CSNK2A2IP: variants seen among roughly 807,000 people sequenced by gnomAD.
The protein encoded by CSNK2A2IP is casein kinase II subunit alpha'-interacting protein.
chr3:88,457,999 A>G, the CSNK2A2IP span, among the ~76,000 whole-genome samples: 1 of 151,930 alleles, frequency 6.6e-6, no homozygotes, highest in Non-Finnish European at 1.5e-5. Flanking sequence ...TGTGTCTTTC[A>G]AGAAATATCT....
the CSNK2A2IP span, among the ~76,000 whole-genome samples, chr3:88,445,944 TTCTCTCTCTC>T: frequency 7.3e-6 from 1 of 136,718 alleles, no homozygotes; most frequent in Non-Finnish European, 1.6e-5. Context: ...CTTTCTTTCT[TTCTCTCTCTC>T]TCTCTCCCTC....
At chr3:88,414,627 G>A in the CSNK2A2IP span, among the ~76,000 whole-genome samples, 1 of 151,810 alleles carries the variant, frequency 6.6e-6, no homozygotes, top group Admixed American at 6.6e-5. Context: ...GAACATTATA[G>A]ATTCCAGGAT....
the CSNK2A2IP span, among the ~76,000 whole-genome samples, chr3:88,445,300 A>AAAAAAAC: frequency 6.7e-6 from 1 of 148,774 alleles, no homozygotes; most frequent in African/African-American, 2.5e-5. Context: ...AAAAAAAAAA[A>AAAAAAAC]TTAGCCAGGC....
chr3:88,360,982 ACT>A, the CSNK2A2IP span, among the ~76,000 whole-genome samples: 1 of 151,282 alleles, frequency 6.6e-6, no homozygotes, highest in African/African-American at 2.4e-5. Flanking sequence ...GAAAACTAAG[ACT>A]CTCTACAGTT....
At chr3:88,379,980 GTTATA>G in the CSNK2A2IP span, among the ~76,000 whole-genome samples, 1 of 151,908 alleles carries the variant, frequency 6.6e-6, no homozygotes, top group African/African-American at 2.4e-5. Flanking sequence ...TATATTAAAC[GTTATA>G]TTATATTTGT....
the CSNK2A2IP span, among the ~76,000 whole-genome samples, chr3:88,367,302 A>G: frequency 6.6e-6 from 1 of 152,124 alleles, no homozygotes; most frequent in Non-Finnish European, 1.5e-5. Flanking sequence ...AGTCATTCTC[A>G]GAGCAATCCT....
At chr3:88,373,018 A>G in the CSNK2A2IP span, among the ~76,000 whole-genome samples, 5 of 151,542 alleles carry the variant, frequency 3.3e-5, no homozygotes, top group South Asian at 2.1e-4. Flanking sequence ...GAAATAATAG[A>G]CAAATTAACA....
the CSNK2A2IP span, among the ~76,000 whole-genome samples, chr3:88,449,818 G>GACAC: frequency 1.2e-3 from 73 of 61,778 alleles, no homozygotes; most frequent in African/African-American, 5.4e-3. Context: ...TTTTTATATC[G>GACAC]AGACACACAC....
At chr3:88,454,461 G>A in the CSNK2A2IP span, among the ~76,000 whole-genome samples, 1 of 149,790 alleles carries the variant, frequency 6.7e-6, no homozygotes, top group Non-Finnish European at 1.5e-5. Context: ...TACTGATTGA[G>A]CTTTTGGTTT....
the CSNK2A2IP span, among the ~76,000 whole-genome samples, chr3:88,418,477 T>A: frequency 4.5e-5 from 5 of 112,046 alleles, no homozygotes; most frequent in East Asian, 1.7e-3. Context: ...CGCGGGCGTG[T>A]GTTCTCTCTT....
chr3:88,417,376 A>G, the CSNK2A2IP span, among the ~76,000 whole-genome samples: 1 of 152,278 alleles, frequency 6.6e-6, no homozygotes, highest in South Asian at 2.1e-4. Context: ...TTTAAAACCC[A>G]AATATTTAAT....
chr3:88,446,030 T>TTTTC, the CSNK2A2IP span, among the ~76,000 whole-genome samples: 822 of 58,058 alleles, frequency 0.014, 14 homozygotes, highest in East Asian at 0.027. Flanking sequence ...TCTTTGTTTC[T>TTTTC]TTTCTTTCTT....
the CSNK2A2IP span, among the ~76,000 whole-genome samples, chr3:88,378,034 A>T: frequency 3.9e-5 from 6 of 151,960 alleles, no homozygotes; most frequent in Non-Finnish European, 8.8e-5. Flanking sequence ...AAATGTTACC[A>T]GTTTATGACT....
the CSNK2A2IP span, among the ~76,000 whole-genome samples, chr3:88,391,497 C>T: frequency 6.6e-6 from 1 of 152,132 alleles, no homozygotes; most frequent in Non-Finnish European, 1.5e-5. Flanking sequence ...AAATAAGTTT[C>T]TAAACGTGTA....
the CSNK2A2IP span, among the ~76,000 whole-genome samples, chr3:88,454,054 G>T: frequency 6.6e-6 from 1 of 152,018 alleles, no homozygotes; most frequent in East Asian, 1.9e-4. Flanking sequence ...CCCACCAGCA[G>T]TGTATGAGAG....
chr3:88,466,459 A>T, the CSNK2A2IP span: 1 of 1,231,956 alleles, frequency 8.1e-7, no homozygotes, highest in African/African-American at 1.6e-5. Flanking sequence ...AAAAACAAAC[A>T]TCTCAGGTCA....
the CSNK2A2IP span, among the ~76,000 whole-genome samples, chr3:88,414,041 T>C: frequency 6.6e-6 from 1 of 151,636 alleles, no homozygotes; most frequent in Non-Finnish European, 1.5e-5. Flanking sequence ...TTATATACAA[T>C]GCCAAGGTAG....
chr3:88,464,386 G>T, the CSNK2A2IP span, among the ~76,000 whole-genome samples: 1 of 151,040 alleles, frequency 6.6e-6, no homozygotes, highest in Non-Finnish European at 1.5e-5. Flanking sequence ...TGATTACTTA[G>T]GAATAAACTG....
chr3:88,394,659 C>T, the CSNK2A2IP span, among the ~76,000 whole-genome samples: 1 of 152,210 alleles, frequency 6.6e-6, no homozygotes. Context: ...CAGGCCTGAG[C>T]CAGCACACAC....
Sources: gnomAD v4.1 joint callset for allele counts (sites outside exome capture counted in the v4.1 genomes callset) on GRCh38, gnomAD v4.1.1 for gene constraint, MANE v1.5 for transcripts, NCBI Gene and HGNC (gene_info 2026-07-23, HGNC 2026-07-21) for gene names.